The following PDLIM7 variants were observed in gnomAD, a reference collection of about 807,000 sequenced individuals.
PDLIM7 encodes PDZ and LIM domain protein 7.
Under a neutral mutation model 53.9 loss-of-function variants are expected in PDLIM7, and 37 were observed. That is an observed-to-expected ratio of 0.69 (90% CI 0.53 to 0.90). The LOEUF (loss-of-function observed/expected upper bound fraction) is 0.90, where lower values mean the gene tolerates loss of function less well. PDLIM7 is among the 40% of genes least tolerant of loss of function. PDLIM7 has a pLI of 0.00. For missense variants in PDLIM7, 617 were observed against 638.5 expected (o/e 0.97, Z 0.36); for synonymous variants, 300 against 261.3 (o/e 1.15, Z -1.43).
At chr5:177,483,794 T>G (rs1224540516) in intron 12 of PDLIM7, 64 bp from the exon 13 acceptor site, 4 of 1,581,070 alleles carry the variant, frequency 2.5e-6, no homozygotes, top group Non-Finnish European at 3.5e-6. Context: ...CTTCCCAACT[T>G]CTCCTGCATC....
In PDLIM7 at chr5:177,486,931, C is replaced by CTTTTTT. The variant is rs60583245; in HGVS notation, c.1050+1131_1050+1136dup. 1.4e-4 allele frequency among the ~76,000 whole-genome samples: 7 copies of CTTTTTT among 48,730 alleles called. 2 individuals are homozygous for CTTTTTT. Among genetic ancestry groups the CTTTTTT allele is most frequent in the African/African-American group, 2.7e-4 (4 of 14,622 alleles). The allele number at this position is 48,730 out of a possible 152,430, so 32.0% of individuals were successfully genotyped here. A position where few individuals can be genotyped will look rare whatever the true frequency, so the allele number is the denominator to read the frequency against. On this transcript the variant is annotated intron_variant, in intron 10 of 12. Transcript: ENST00000355841. ...CAGGTGTGAGCCACCGTGCCTGGCC[C>CTTTTTT]TTTTTTTTTTTTTTTTTTTTTTTTT...
At chr5:177,490,342 A>C (rs1758684386) in intron 7 of PDLIM7, 1 of 1,452,048 alleles carries the variant, frequency 6.9e-7, no homozygotes, top group Non-Finnish European at 9.0e-7. Context: ...AGATGAACCC[A>C]GGTGGGCGGC....
At chr5:177,484,296 A>C (rs1457200492) in intron 10 of PDLIM7, 106 bp from the exon 11 acceptor site, 1 of 1,395,996 alleles carries the variant, frequency 7.2e-7, no homozygotes, top group Non-Finnish European at 9.8e-7. Context: ...TTCTCGCGGT[A>C]AACACTACAT....
In PDLIM7 at chr5:177,492,588, T is replaced by C; in HGVS notation, c.186A>G (p.Thr62=). The change falls in exon 3 of 13, where the codon ACA becomes ACG. Residue 62 remains threonine (T), a synonymous_variant. Transcript: ENST00000355841. ...GGATCTTGTTCTGAGCTTCGATGTG[T>C]GTGAGGCTACCCGCATTCTCGCCAT... ...SIDGENAGSL[T]HIEAQNKIRA... is the part of the protein sequence containing the mutation. 1 of 1,613,734 alleles carries C rather than the reference T, an allele frequency of 6.2e-7. No individual in the cohort carries two copies. The highest frequency in any genetic ancestry group is 1.1e-5 in the South Asian group (1 of 91,088).
intron 6 of PDLIM7, 50 bp from the exon 7 acceptor site, chr5:177,490,956 T>A (rs1758740973): frequency 6.2e-7 from 1 of 1,614,018 alleles, no homozygotes; most frequent in Non-Finnish European, 8.5e-7. Flanking sequence ...GGGTCAGGGA[T>A]CACGCCTGGG....
chr5:177,489,315 G>A, intron 9 of PDLIM7, 78 bp downstream of exon 9: 1 of 1,134,196 alleles, frequency 8.8e-7, no homozygotes, highest in South Asian at 1.5e-5. Context: ...TCGCAGCTGA[G>A]GCAAGACAGG....
chr5:177,492,842 A>T (rs968221049), intron 2 of PDLIM7, 165 bp from the exon 3 acceptor site: 3 of 673,204 alleles, frequency 4.5e-6, no homozygotes, highest in Non-Finnish European at 7.5e-6. Flanking sequence ...GCAACCCAGG[A>T]GGTGGTGGCG....
intron 5 of PDLIM7, 91 bp downstream of exon 5, chr5:177,491,716 G>C (rs1581760975): frequency 1.3e-6 from 1 of 746,210 alleles, no homozygotes; most frequent in Non-Finnish European, 2.0e-6. Context: ...GCCGGGCTGG[G>C]GCGCAGCACA....
In PDLIM7 at chr5:177,496,496, A is replaced by T; in HGVS notation, c.17T>A (p.Val6Glu). 6.3e-7 allele frequency: 1 copy of T among 1,595,918 alleles called. No homozygotes were observed. Among genetic ancestry groups the T allele is most frequent in the Non-Finnish European group, 8.5e-7 (1 of 1,170,898 alleles). Residue 6 changes from valine (V) to glutamate (E), a missense_variant, in exon 2 of 13, where the codon GTA (valine) becomes GAA (glutamate). Transcript: ENST00000355841. ...CCAAGGTGCTGGCCCCTCCAGCACT[A>T]CTTTGAAGGAATCCATGATGCCGGC... MDSFK[V>E]VLEGPAPWGF...
At chr5:177,488,369 T>C in intron 9 of PDLIM7, 121 bp from the exon 10 acceptor site, 1 of 761,202 alleles carries the variant, frequency 1.3e-6, no homozygotes, top group Non-Finnish European at 2.1e-6. Flanking sequence ...TCTCCCCATT[T>C]TCCACATAGG....
At chr5:177,487,823 C>T in intron 10 of PDLIM7, 1 of 373,536 alleles carries the variant, frequency 2.7e-6, no homozygotes. Context: ...CAGGAGGGCC[C>T]AGGGCTTCTC....
At chr5:177,484,021 T>C (rs750367105) in intron 11 of PDLIM7, 39 bp from the exon 12 acceptor site, 47 of 1,613,442 alleles carry the variant, frequency 2.9e-5, no homozygotes, top group Non-Finnish European at 3.7e-5. Flanking sequence ...CCTGGATTCA[T>C]GCCTGCCCCA....
At position 177,490,599 on chromosome 5, in the gene PDLIM7, G is replaced by C. The variant is rs1212779033; in HGVS notation, c.572+271C>G. 3.2e-6 allele frequency: 5 copies of C among 1,548,770 alleles called. No individual in the cohort carries two copies. The Admixed American group carries it at 7.8e-5, about 24-fold the overall frequency. ...GCTCCAGGACATACTTTTCCCTGAG[G>C]GGCAGAGAGAGAGGGAGGAAGAAGT... is the stretch of plus-strand genomic sequence containing the variant. On this transcript the variant is annotated intron_variant, in intron 7 of 12. Coordinates refer to ENST00000355841, the MANE Select transcript of PDLIM7 (RefSeq NM_005451.5).
Position 177,491,891 on chromosome 5 carries a change from G to C in PDLIM7, c.314C>G (p.Thr105Ser). ...SAPAADPPRY[T>S]FAPSVSLNKT... is the part of the protein sequence containing the mutation. The stretch of plus-strand genomic sequence containing the variant: ...GTTGAGGGAGACGCTGGGTGCAAAG[G>C]TGTACCGCGGAGGGTCCGCGGCGGG... The change falls in exon 5 of 13, where the codon ACC becomes AGC. Residue 105 changes from threonine to serine, a missense_variant. Transcript: ENST00000355841. The C allele has an allele frequency of 7.8e-7, 1 of 1,283,196 alleles. No individual in the cohort carries two copies. Among genetic ancestry groups the C allele is most frequent in the Non-Finnish European group, 9.9e-7 (1 of 1,010,994 alleles). The allele number at this position is 1,283,196 out of a possible 1,614,324, so 79.5% of individuals were successfully genotyped here.
intron 7 of PDLIM7, 90 bp from the exon 8 acceptor site, chr5:177,489,922 A>G (rs758928753): frequency 6.5e-7 from 1 of 1,539,762 alleles, no homozygotes; most frequent in South Asian, 1.2e-5. Context: ...CCCACGGGAG[A>G]TGACTGGGGG....
chr5:177,486,654 T>C (rs1238974130), intron 10 of PDLIM7, among the ~76,000 whole-genome samples: 2 of 152,124 alleles, frequency 1.3e-5, no homozygotes, highest in East Asian at 1.9e-4. Flanking sequence ...TTTTTTCTTT[T>C]TGAGACAAGA....
At chr5:177,496,606 TGGACAGGG>T in intron 1 of PDLIM7, 83 bp from the exon 2 acceptor site, 1 of 920,234 alleles carries the variant, frequency 1.1e-6, no homozygotes, top group Non-Finnish European at 1.6e-6. Context: ...ATACCAGCCT[TGGACAGGG>T]GCCAGGCAGG....
chr5:177,487,153 G>A (rs905899589), intron 10 of PDLIM7, among the ~76,000 whole-genome samples: 3 of 151,424 alleles, frequency 2.0e-5, no homozygotes, highest in South Asian at 4.2e-4. Flanking sequence ...GGCTGGTCTT[G>A]AACTCCTGAC....
chr5:177,496,450 G>T lies in PDLIM7; in HGVS notation c.63C>A (p.Gly21=). Residue 21 remains glycine, a synonymous_variant, in exon 2 of 13, where the codon GGC becomes GGA. Coordinates refer to ENST00000355841, the MANE Select transcript of PDLIM7 (RefSeq NM_005451.5). The part of the protein sequence containing the change: ...PAPWGFRLQG[G]KDFNVPLSIS... The stretch of plus-strand genomic sequence containing the variant: ...TGGAGAGGGGCACATTGAAGTCCTT[G>T]CCCCCTTGCAGCCGGAAGCCCCAAG... 1 of 1,603,354 alleles carries T rather than the reference G, an allele frequency of 6.2e-7. No homozygotes were observed.
Sources: allele counts gnomAD v4.1 joint callset (sites outside exome capture counted in the v4.1 genomes callset), GRCh38; gene constraint gnomAD v4.1.1; transcripts MANE v1.5; gene names NCBI Gene and HGNC (gene_info 2026-07-23, HGNC 2026-07-21).